The following PCDH15 variants were observed in gnomAD, a reference collection of about 807,000 sequenced individuals.
PCDH15 encodes protocadherin related 15, also known as protocadherin-15.
PCDH15 carries 129 observed loss-of-function variants against 178.5 expected under a neutral mutation model. The ratio of observed to expected loss-of-function variants is 0.72; its 90% CI spans 0.63 to 0.84. The LOEUF is 0.84. Among genes scored for constraint, PCDH15 ranks in the 40% least tolerant of loss-of-function variants. The pLI, the probability that PCDH15 is intolerant of heterozygous loss-of-function variation, is 0.00. For synonymous variants in PCDH15, 800 were observed against 732.0 expected (o/e 1.09, Z -1.50); for missense variants, 2,230 against 2,099.9 (o/e 1.06, Z -1.21).
chr10:54,153,454 C>G (rs1001223475), intron 13 of PCDH15, among the ~76,000 whole-genome samples, 161 bp from the exon 14 acceptor site: 7 of 151,914 alleles, frequency 4.6e-5, no homozygotes, highest in African/African-American at 1.7e-4. Flanking sequence ...TTAACTGAGG[C>G]TACTGTGTCC....
intron 21 of PCDH15, among the ~76,000 whole-genome samples, chr10:53,984,121 T>TC (rs920339415): frequency 1.1e-5 from 1 of 92,292 alleles, no homozygotes; most frequent in East Asian, 4.1e-4. Context: ...TAAGTGCTTT[T>TC]CTTTTTTTTT....
chr10:53,968,991 T>G (rs563220874), intron 21 of PCDH15, among the ~76,000 whole-genome samples: 2 of 152,244 alleles, frequency 1.3e-5, no homozygotes, highest in Non-Finnish European at 2.9e-5. Context: ...GGAACAAAGC[T>G]GGATGGAGAA....
intron 2 of PCDH15, among the ~76,000 whole-genome samples, chr10:55,497,291 G>T (rs1296679628): frequency 6.6e-6 from 1 of 151,454 alleles, no homozygotes; most frequent in Non-Finnish European, 1.5e-5. Flanking sequence ...CATGACGCCT[G>T]GCTGATTTTT....
intron 3 of PCDH15, among the ~76,000 whole-genome samples, chr10:54,425,245 C>A (rs1956126080): frequency 6.6e-6 from 1 of 152,032 alleles, no homozygotes; most frequent in African/African-American, 2.4e-5. Context: ...AAGTTCCTCC[C>A]TCATGAGTGG....
At chr10:55,107,484 C>CTTTTT (rs11290952) in intron 2 of PCDH15, among the ~76,000 whole-genome samples, 117 of 86,190 alleles carry the variant, frequency 1.4e-3, no homozygotes, top group Non-Finnish European at 1.7e-3. Context: ...ATTCTCTTTC[C>CTTTTT]TTTTTTTTTT....
At chr10:54,225,379 G>C (rs1284490748) in intron 9 of PCDH15, among the ~76,000 whole-genome samples, 1 of 152,030 alleles carries the variant, frequency 6.6e-6, no homozygotes, top group Non-Finnish European at 1.5e-5. Flanking sequence ...TTCTGACTAC[G>C]TAGATTCAAA....
At chr10:54,870,659 G>A (rs565765881) in intron 3 of PCDH15, among the ~76,000 whole-genome samples, 3 of 151,806 alleles carry the variant, frequency 2.0e-5, no homozygotes, top group Non-Finnish European at 4.4e-5. Context: ...GGTGGCGGGC[G>A]CCTGTAGTCC....
intron 13 of PCDH15, among the ~76,000 whole-genome samples, chr10:54,173,281 T>A (rs1008001631): frequency 1.3e-5 from 2 of 152,122 alleles, no homozygotes; most frequent in African/African-American, 4.8e-5. Flanking sequence ...TATATGTTGA[T>A]AGTTTCTTTA....
chr10:54,835,805 G>T (rs1226608685), intron 3 of PCDH15, among the ~76,000 whole-genome samples: 1 of 152,104 alleles, frequency 6.6e-6, no homozygotes, highest in Non-Finnish European at 1.5e-5. Flanking sequence ...CTATGTGTCT[G>T]TAGATAGATT....
intron 2 of PCDH15, among the ~76,000 whole-genome samples, chr10:54,619,681 C>T (rs546928315): frequency 7.2e-5 from 11 of 152,164 alleles, no homozygotes; most frequent in African/African-American, 2.6e-4. Flanking sequence ...TGCCTAGCTT[C>T]CACCATTACT....
At chr10:54,015,801 AGAT>A (rs1214231656) in intron 20 of PCDH15, among the ~76,000 whole-genome samples, 2 of 152,256 alleles carry the variant, frequency 1.3e-5, no homozygotes, top group South Asian at 2.1e-4. Flanking sequence ...AAAAACACAA[AGAT>A]AACCTCGGAA....
intron 1 of PCDH15, among the ~76,000 whole-genome samples, chr10:55,257,336 A>G (rs2799612): frequency 0.85 from 128,730 of 152,146 alleles, 55,105 homozygotes; most frequent in East Asian, 0.96. Context: ...CCAAAGGAAC[A>G]CAGCTCTTCA....
At chr10:54,520,206 G>A (rs2082696756) in intron 3 of PCDH15, among the ~76,000 whole-genome samples, 1 of 152,096 alleles carries the variant, frequency 6.6e-6, no homozygotes, top group Non-Finnish European at 1.5e-5. Context: ...AGCCAAAATT[G>A]ACAAATAGGA....
At chr10:54,651,234 A>G (rs1202686622) in intron 2 of PCDH15, among the ~76,000 whole-genome samples, 1 of 152,148 alleles carries the variant, frequency 6.6e-6, no homozygotes, top group African/African-American at 2.4e-5. Flanking sequence ...AGGAAATAAA[A>G]TTTAACATTC....
At chr10:55,462,687 G>T (rs2132094451) in intron 2 of PCDH15, among the ~76,000 whole-genome samples, 1 of 151,762 alleles carries the variant, frequency 6.6e-6, no homozygotes, top group South Asian at 2.1e-4. Context: ...TTTTCAATTG[G>T]GTCAAACTTA....
intron 2 of PCDH15, among the ~76,000 whole-genome samples, chr10:54,598,034 C>G (rs1340339142): frequency 2.0e-5 from 3 of 152,082 alleles, no homozygotes; most frequent in Non-Finnish European, 4.4e-5. Context: ...GATGAATTCA[C>G]TTCTGAATTC....
intron 2 of PCDH15, among the ~76,000 whole-genome samples, chr10:55,625,073 G>C (rs745813865): frequency 4.6e-5 from 7 of 152,144 alleles, no homozygotes; most frequent in Admixed American, 1.3e-4. Flanking sequence ...CAGTGAGAAA[G>C]TGATAATCAT....
At chr10:54,144,522 G>GT (rs2043717123) in intron 14 of PCDH15, among the ~76,000 whole-genome samples, 1 of 151,978 alleles carries the variant, frequency 6.6e-6, no homozygotes, top group Non-Finnish European at 1.5e-5. Context: ...CCTAGTTCTT[G>GT]TTTTTTTACA....
intron 2 of PCDH15, among the ~76,000 whole-genome samples, chr10:54,546,836 C>CA (rs1239155387): frequency 1.3e-5 from 2 of 152,156 alleles, no homozygotes. Flanking sequence ...TTCAACACCG[C>CA]ATGATTCTCC....
Sources: allele counts gnomAD v4.1 joint callset (sites outside exome capture counted in the v4.1 genomes callset), GRCh38; gene constraint gnomAD v4.1.1; transcripts MANE v1.5; gene names NCBI Gene and HGNC (gene_info 2026-07-23, HGNC 2026-07-21).